APLF: variants seen among roughly 807,000 people sequenced by gnomAD.
APLF encodes the protein aprataxin and PNKP like factor.
A neutral mutation model predicts 55.6 loss-of-function variants in APLF; 61 were observed. The observed-to-expected ratio is 1.10, with a 90% confidence interval of 0.89 to 1.36. The LOEUF is 1.36. APLF is among the 40% of genes most tolerant of loss of function. The pLI, the probability that APLF is intolerant of heterozygous loss-of-function variation, is 0.00. For missense variants in APLF, 611 were observed against 602.5 expected (o/e 1.01, Z -0.15); for synonymous variants, 207 against 214.8 (o/e 0.96, Z 0.32).
chr2:68,561,429 C>T (rs1171236118), intron 8 of APLF, among the ~76,000 whole-genome samples: 3 of 152,076 alleles, frequency 2.0e-5, no homozygotes, highest in Non-Finnish European at 4.4e-5. Flanking sequence ...TGAGAACAGG[C>T]CCAAGACACT....
chr2:68,469,253 T>C (rs1255779641), intron 1 of APLF, among the ~76,000 whole-genome samples: 1 of 152,232 alleles, frequency 6.6e-6, no homozygotes, highest in African/African-American at 2.4e-5. Flanking sequence ...GTGCTTAATC[T>C]AGTAATCATA....
rs969495554 is a variant in APLF at position 68,538,350 on chromosome 2, C to T, written c.1160+123C>T. The T allele has an allele frequency of 6.4e-6, 5 of 783,670 alleles. No homozygotes were observed. The African/African-American group carries it at 7.1e-5, about 11-fold the overall frequency. The allele number at this position is 783,670 out of a possible 1,614,324, so 48.5% of individuals were successfully genotyped here. A position where few individuals can be genotyped will look rare whatever the true frequency, so the allele number is the denominator to read the frequency against. ...CTGGCCTAAAGGTTAGGGGCTTTATCGTGTTTCTACTATTTGTACTTCCTC... is the reference window on the plus strand; with the variant it reads ...CTGGCCTAAAGGTTAGGGGCTTTATTGTGTTTCTACTATTTGTACTTCCTC... On this transcript the variant is annotated intron_variant, in intron 7 of 9. Transcript: ENST00000303795.
chr2:68,567,528 T>C, intron 9 of APLF, 141 bp downstream of exon 9: 1 of 692,448 alleles, frequency 1.4e-6, no homozygotes, highest in Non-Finnish European at 2.3e-6. Context: ...ATGATTTTTC[T>C]TATATTAAAA....
At chr2:68,528,332 C>T (rs1245805237) in intron 6 of APLF, 2 of 1,482,460 alleles carry the variant, frequency 1.3e-6, no homozygotes, top group African/African-American at 1.4e-5. Flanking sequence ...ACGCATGTTG[C>T]CCTGCTGGAG....
chr2:68,543,959 T>C (rs1670625901), intron 7 of APLF, among the ~76,000 whole-genome samples: 1 of 151,648 alleles, frequency 6.6e-6, no homozygotes, highest in African/African-American at 2.4e-5. Context: ...GTTTAAGAAA[T>C]CTGTTAAGTC....
Position 68,488,573 on chromosome 2 carries a change from G to C in APLF, c.97-1617G>C, listed in dbSNP as rs377334610. Among the ~76,000 whole-genome samples the C allele has an allele frequency of 6.5e-3, 991 of 151,882 alleles. 9 individuals are homozygous for C. Among genetic ancestry groups the C allele is most frequent in the African/African-American group, 0.023 (943 of 41,374 alleles). Reference sequence around the variant, plus strand: ...CTAGTCTTGAATTCCTGGGCTCAAGGAGTCTTCCCACTTCAGCCTCCCAAA... The same window carrying C: ...CTAGTCTTGAATTCCTGGGCTCAAGCAGTCTTCCCACTTCAGCCTCCCAAA... On this transcript the variant is annotated intron_variant, in intron 1 of 9. Coordinates refer to ENST00000303795, the MANE Select transcript of APLF (RefSeq NM_173545.3).
At chr2:68,567,448 C>T in intron 9 of APLF, 61 bp downstream of exon 9, 1 of 1,282,776 alleles carries the variant, frequency 7.8e-7, no homozygotes, top group Non-Finnish European at 1.1e-6. Flanking sequence ...CCTATTAAAC[C>T]TAGTTTCCAG....
intron 3 of APLF, 137 bp downstream of exon 3, chr2:68,503,040 G>A: frequency 3.7e-6 from 3 of 817,708 alleles, no homozygotes; most frequent in South Asian, 1.9e-5. Context: ...GTACGCATGT[G>A]TGTGTGCATG....
intron 1 of APLF, among the ~76,000 whole-genome samples, chr2:68,483,222 A>G (rs779876737): frequency 2.0e-5 from 3 of 152,122 alleles, no homozygotes; most frequent in African/African-American, 4.8e-5. Context: ...CTGTGGAGTA[A>G]TGTAGCTTTG....
In APLF at chr2:68,473,951, A is replaced by T. The variant is rs560250840; in HGVS notation, c.96+6124A>T. Among the ~76,000 whole-genome samples the T allele has an allele frequency of 1.7e-4, 26 of 152,120 alleles. No homozygotes were observed. In the South Asian group the frequency reaches 5.4e-3, roughly 32 times the overall value. On this transcript the variant is annotated intron_variant, in intron 1 of 9. Transcript: ENST00000303795. ...GGCTCAGTTCCCAAGATTTCCCCCC[A>T]CTTCTGATGGCAATTGCAAGCCCCA...
At chr2:68,526,979 A>T (rs1289893804) in intron 6 of APLF, among the ~76,000 whole-genome samples, 1 of 152,230 alleles carries the variant, frequency 6.6e-6, no homozygotes, top group Non-Finnish European at 1.5e-5. Context: ...CAGAAAGATC[A>T]CACACAAGGC....
At chr2:68,472,317 T>C (rs972574688) in intron 1 of APLF, among the ~76,000 whole-genome samples, 1 of 152,170 alleles carries the variant, frequency 6.6e-6, no homozygotes, top group African/African-American at 2.4e-5. Context: ...CACAAGAGAC[T>C]TTGCAGGACA....
chr2:68,545,091 T>C (rs1268059940), intron 7 of APLF, 96 bp from the exon 8 acceptor site: 1 of 1,404,814 alleles, frequency 7.1e-7, no homozygotes, highest in Non-Finnish European at 9.7e-7. Context: ...TGTTCAAGGA[T>C]AGCCAGATGT....
intron 5 of APLF, among the ~76,000 whole-genome samples, chr2:68,519,288 T>C (rs1573212415): frequency 7.0e-6 from 1 of 143,628 alleles, no homozygotes; most frequent in East Asian, 2.0e-4. Flanking sequence ...GTATATTGTA[T>C]ATATAAAATG....
chr2:68,484,059 A>G (rs1163616250), intron 1 of APLF, among the ~76,000 whole-genome samples: 1 of 152,168 alleles, frequency 6.6e-6, no homozygotes, highest in East Asian at 1.9e-4. Context: ...ATTGCAGTCA[A>G]ACAAACAGAT....
intron 9 of APLF, among the ~76,000 whole-genome samples, chr2:68,574,605 C>G (rs572210303): frequency 1.3e-5 from 2 of 152,288 alleles, no homozygotes; most frequent in Admixed American, 1.3e-4. Flanking sequence ...TTGTTAGATT[C>G]TGGACTTCCT....
At chr2:68,476,656 T>C (rs1036151060) in intron 1 of APLF, among the ~76,000 whole-genome samples, 1 of 151,944 alleles carries the variant, frequency 6.6e-6, no homozygotes, top group African/African-American at 2.4e-5. Context: ...TATTGTGCAA[T>C]AGTTACCACT....
In APLF at chr2:68,467,646, C is replaced by A; in HGVS notation, c.-86C>A. 9.0e-7 allele frequency: 1 copy of A among 1,110,258 alleles called. No individual in the cohort carries two copies. The highest frequency in any genetic ancestry group is 1.1e-6 in the Non-Finnish European group (1 of 874,924). The allele number at this position is 1,110,258 out of a possible 1,614,324, so 68.8% of individuals were successfully genotyped here. ...CCTCCCTCGGTGTTTTTTCCCAGGG[C>A]GTGGGCTTGCCCCGCGCGTGTCTGT... On this transcript the variant is annotated 5_prime_UTR_variant, in exon 1 of 10. Coordinates refer to ENST00000303795, the MANE Select transcript of APLF (RefSeq NM_173545.3).
intron 2 of APLF, among the ~76,000 whole-genome samples, chr2:68,492,217 G>A (rs923417885): frequency 9.9e-5 from 15 of 152,066 alleles, no homozygotes; most frequent in South Asian, 4.1e-4. Flanking sequence ...GGTGGCTCAC[G>A]TCTGTAATCC....
Sources: gnomAD v4.1 joint callset for allele counts (sites outside exome capture counted in the v4.1 genomes callset) on GRCh38, gnomAD v4.1.1 for gene constraint, MANE v1.5 for transcripts, NCBI Gene and HGNC (gene_info 2026-07-23, HGNC 2026-07-21) for gene names.